HOMER1: variants seen among roughly 807,000 people sequenced by gnomAD.
The protein encoded by HOMER1 is homer scaffold protein 1.
In HOMER1, 3 loss-of-function variants were observed where a neutral mutation model predicts 48.9. That is an observed-to-expected ratio of 0.06 (90% confidence interval 0.03 to 0.16). HOMER1 has a LOEUF of 0.16. Among genes scored for constraint, HOMER1 ranks in the 10% least tolerant of loss-of-function variants. HOMER1 has a pLI of 1.00. For synonymous variants in HOMER1, 134 were observed against 146.4 expected, an observed-to-expected ratio of 0.92 and a Z score of 0.61; for missense variants, 247 against 411.4, an observed-to-expected ratio of 0.60 and a Z score of 3.46.
At chr5:79,406,649 C>T (rs1360352513) in intron 5 of HOMER1, among the ~76,000 whole-genome samples, 2 of 152,164 alleles carry the variant, frequency 1.3e-5, no homozygotes, top group East Asian at 1.9e-4. Context: ...AGAAGGATAC[C>T]CCTAAATCCT....
chr5:79,483,459 T>C (rs1269760131), intron 1 of HOMER1, among the ~76,000 whole-genome samples: 2 of 151,832 alleles, frequency 1.3e-5, no homozygotes, highest in Admixed American at 1.3e-4. Context: ...ATTGCACTTT[T>C]GAATGGTTAA....
chr5:79,497,076 A>AC (rs1752443937), intron 1 of HOMER1, among the ~76,000 whole-genome samples: 1 of 150,900 alleles, frequency 6.6e-6, no homozygotes. Context: ...AAAAAAAAAA[A>AC]AAAAAGGAAA....
chr5:79,417,369 C>G lies in HOMER1; in HGVS notation c.528-15314G>C, dbSNP rs201033062. On this transcript the variant is annotated intron_variant, in intron 5 of 8. Transcript: ENST00000334082. ...GTGTTAGCCAGGATGGTCTCAATCTCCTGACCTCGTGATCCGCCCGCCTCG... is the reference window on the plus strand; with the variant it reads ...GTGTTAGCCAGGATGGTCTCAATCTGCTGACCTCGTGATCCGCCCGCCTCG... Among the ~76,000 whole-genome samples the G allele has an allele frequency of 5.9e-5, 9 of 152,162 alleles. No homozygotes were observed. In the East Asian group the frequency reaches 1.5e-3, roughly 26 times the overall value.
intron 5 of HOMER1, among the ~76,000 whole-genome samples, chr5:79,408,672 G>A (rs1749732989): frequency 6.6e-6 from 1 of 152,066 alleles, no homozygotes; most frequent in Non-Finnish European, 1.5e-5. Flanking sequence ...AATTCTTTGT[G>A]ACCTTGGGCT....
At chr5:79,488,055 A>T (rs1752164083) in intron 1 of HOMER1, among the ~76,000 whole-genome samples, 1 of 152,242 alleles carries the variant, frequency 6.6e-6, no homozygotes, top group Admixed American at 6.5e-5. Flanking sequence ...TACAAAGTTT[A>T]AATTTAAAAC....
chr5:79,446,256 T>C (rs1373345411), intron 4 of HOMER1, among the ~76,000 whole-genome samples: 1 of 152,156 alleles, frequency 6.6e-6, no homozygotes, highest in Non-Finnish European at 1.5e-5. Context: ...CCCTACAGTT[T>C]AGAGCCCCCT....
chr5:79,483,609 AG>A (rs1752006671), intron 1 of HOMER1, among the ~76,000 whole-genome samples: 1 of 152,118 alleles, frequency 6.6e-6, no homozygotes, highest in Non-Finnish European at 1.5e-5. Context: ...GTTAAAGAAA[AG>A]TTTTAGGAAG....
chr5:79,489,334 G>A (rs899309755), intron 1 of HOMER1, among the ~76,000 whole-genome samples: 6 of 152,104 alleles, frequency 3.9e-5, no homozygotes, highest in East Asian at 3.9e-4. Context: ...AAGAATACAC[G>A]GCCAAGCAAC....
At chr5:79,416,613 A>G (rs1182982651) in intron 5 of HOMER1, among the ~76,000 whole-genome samples, 1 of 152,188 alleles carries the variant, frequency 6.6e-6, no homozygotes. Context: ...ATGGCTCCAC[A>G]CTGTAACATC....
chr5:79,379,395 T>C (rs1748899968), intron 8 of HOMER1, among the ~76,000 whole-genome samples: 1 of 117,396 alleles, frequency 8.5e-6, no homozygotes, highest in South Asian at 2.3e-4. Flanking sequence ...ATATATTATA[T>C]AAATATTTAT....
intron 1 of HOMER1, among the ~76,000 whole-genome samples, chr5:79,503,365 A>C (rs1440644084): frequency 6.6e-6 from 1 of 150,580 alleles, no homozygotes; most frequent in Non-Finnish European, 1.5e-5. Flanking sequence ...TCCCGTCTCT[A>C]CTAAAAATAC....
chr5:79,440,246 T>C (rs745949152), intron 4 of HOMER1, among the ~76,000 whole-genome samples: 2 of 152,218 alleles, frequency 1.3e-5, no homozygotes, highest in Non-Finnish European at 2.9e-5. Context: ...ATTTATATCC[T>C]TCACATTTAG....
chr5:79,453,330 T>C (rs1014629750), intron 2 of HOMER1, among the ~76,000 whole-genome samples: 13 of 152,236 alleles, frequency 8.5e-5, no homozygotes, highest in Non-Finnish European at 1.8e-4. Context: ...ACAGGTTTTA[T>C]AGGCATCTAA....
In HOMER1 at chr5:79,374,495, C is replaced by T. The variant is rs1204457100; in HGVS notation, c.*1514G>A. ...CTGTTTATGAGTGAAAAAATGGTTA[C>T]AAATTGGTTAATTAGCTTAATTTTG... On this transcript the variant is annotated 3_prime_UTR_variant, in exon 9 of 9. Transcript: ENST00000334082. 3.3e-5 allele frequency: 5 copies of T among 151,986 alleles called. No homozygotes were observed. Among genetic ancestry groups the T allele is most frequent in the African/African-American group, 1.2e-4 (5 of 41,402 alleles). 9.4% of individuals were successfully genotyped at this position (151,986 alleles called of 1,614,324 possible).
intron 5 of HOMER1, among the ~76,000 whole-genome samples, chr5:79,431,217 G>A (rs986265514): frequency 9.2e-5 from 14 of 152,110 alleles, no homozygotes; most frequent in Non-Finnish European, 1.9e-4. Flanking sequence ...CAGCTACTTG[G>A]GAGGCTGAGG....
At chr5:79,390,631 T>C (rs1391554166) in intron 8 of HOMER1, among the ~76,000 whole-genome samples, 1 of 152,064 alleles carries the variant, frequency 6.6e-6, no homozygotes. Flanking sequence ...TCCAAGTATA[T>C]GAACACAAGA....
chr5:79,429,847 C>G (rs1750370779), intron 5 of HOMER1, among the ~76,000 whole-genome samples: 1 of 152,036 alleles, frequency 6.6e-6, no homozygotes, highest in African/African-American at 2.4e-5. Flanking sequence ...CACGGTGAAA[C>G]CCCGTCTCTA....
chr5:79,509,373 T>C (rs961958480), intron 1 of HOMER1, among the ~76,000 whole-genome samples: 1 of 151,850 alleles, frequency 6.6e-6, no homozygotes, highest in Non-Finnish European at 1.5e-5. Flanking sequence ...CAAAATGAGC[T>C]AAGTAAAAAC....
At chr5:79,407,211 G>A (rs949536417) in intron 5 of HOMER1, among the ~76,000 whole-genome samples, 2 of 151,820 alleles carry the variant, frequency 1.3e-5, no homozygotes, top group Non-Finnish European at 2.9e-5. Flanking sequence ...CAGCCTAGCA[G>A]AAGAGTCATA....
Sources: gnomAD v4.1 joint callset for allele counts (sites outside exome capture counted in the v4.1 genomes callset) on GRCh38, gnomAD v4.1.1 for gene constraint, MANE v1.5 for transcripts, NCBI Gene and HGNC (gene_info 2026-07-23, HGNC 2026-07-21) for gene names.